Variants in IK observed in about 807,000 individuals in gnomAD.
The protein encoded by IK is protein Red.
A neutral mutation model predicts 90.9 loss-of-function variants in IK; 47 were observed. That is an observed-to-expected ratio of 0.52 (90% CI 0.41 to 0.66). IK has a LOEUF of 0.66. IK is among the 30% of genes least tolerant of loss of function. IK has a pLI of 0.00. For synonymous variants in IK, 201 were observed against 227.5 expected (o/e 0.88, Z 1.05); for missense variants, 385 against 709.3 (o/e 0.54, Z 5.19).
At position 140,658,824 on chromosome 5, in the gene IK, C is replaced by T. The variant is rs181792447; in HGVS notation, c.950+48C>T. On this transcript the variant is annotated intron_variant, in intron 11 of 19. Coordinates refer to ENST00000417647, the MANE Select transcript of IK (RefSeq NM_006083.4). ...TCTGATCAGAGGGAGGGGGTCTGTACATTTCTTGTGTCTGGCATTTTGGGG... is the reference window on the plus strand; with the variant it reads ...TCTGATCAGAGGGAGGGGGTCTGTATATTTCTTGTGTCTGGCATTTTGGGG... The T allele has an allele frequency of 1.9e-6, 3 of 1,596,590 alleles. No homozygotes were observed. In the East Asian group the frequency reaches 6.7e-5, roughly 36 times the overall value.
intron 9 of IK, 22 bp from the exon 10 acceptor site, chr5:140,657,532 T>A: frequency 6.6e-7 from 1 of 1,521,942 alleles, no homozygotes; most frequent in Non-Finnish European, 9.0e-7. Context: ...GGTTTAACAT[T>A]CTTGTTTCTT....
rs770148481 is a variant in IK, at chr5:140,655,911, G to A, written c.720G>A (p.Val240=). ...TCCTGCCGGGCCGCATGGCCTATGT[G>A]GTAGACCTGGATGATGAGTATGCTG... ...ELFLPGRMAY[V]VDLDDEYADT... The change falls in exon 9 of 20, where the codon GTG becomes GTA. Residue 240 remains valine (V), a synonymous_variant. Coordinates refer to ENST00000417647, the MANE Select transcript of IK (RefSeq NM_006083.4). 36 of 1,589,784 alleles carry A rather than the reference G, an allele frequency of 2.3e-5. No individual in the cohort carries two copies. Among genetic ancestry groups the A allele is most frequent in the Non-Finnish European group, 3.1e-5 (36 of 1,166,934 alleles).
chr5:140,656,604 C>T (rs1757714711), intron 9 of IK, among the ~76,000 whole-genome samples: 1 of 152,156 alleles, frequency 6.6e-6, no homozygotes, highest in Non-Finnish European at 1.5e-5. Flanking sequence ...CCATATAATT[C>T]ATCCTTTAAA....
Position 140,661,541 on chromosome 5 carries a change from C to G in IK, c.1414-79C>G. 1 of 892,022 alleles carries G rather than the reference C, an allele frequency of 1.1e-6. No homozygotes were observed. Among genetic ancestry groups the G allele is most frequent in the Non-Finnish European group, 1.8e-6 (1 of 559,234 alleles). 55.3% of individuals were successfully genotyped at this position (892,022 alleles called of 1,614,324 possible). ...GTGGAACCTGGGATTATGGGAGAGT[C>G]TGGCTTCAATCAAGGGCTGAAATTC... On this transcript the variant is annotated intron_variant, in intron 16 of 19. Coordinates refer to ENST00000417647, the MANE Select transcript of IK (RefSeq NM_006083.4). The surrounding 1 kb of genome is among the most constrained non-coding windows in gnomAD (Gnocchi z 4.2).
intron 4 of IK, among the ~76,000 whole-genome samples, chr5:140,652,679 G>A (rs1362173560): frequency 6.6e-6 from 1 of 152,192 alleles, no homozygotes; most frequent in African/African-American, 2.4e-5. Context: ...TCTGATTTTT[G>A]TGTGGAAAAG....
chr5:140,648,007 G>GGTGTGT (rs762057029), intron 1 of IK, 83 bp downstream of exon 1: 23,634 of 926,726 alleles, frequency 0.026, 162 homozygotes, highest in East Asian at 0.064. Context: ...GCTTAAGCCG[G>GGTGTGT]GTGTGTGTGT....
chr5:140,651,829 C>T, intron 3 of IK, 23 bp downstream of exon 3: 1 of 1,426,836 alleles, frequency 7.0e-7, no homozygotes, highest in South Asian at 1.2e-5. Context: ...GTGATCCAAC[C>T]TGTCTCCCAA....
Position 140,659,897 on chromosome 5 carries a change from CT to C in IK, c.1274+64del, listed in dbSNP as rs912369676. ...ACTGGTCTCTTTACTCCAACCCCCC[CT>C]GCCTCCCTGCTCCCTCCTACCCTGC... On this transcript the variant is annotated intron_variant, in intron 14 of 19. Transcript: ENST00000417647. The C allele has an allele frequency of 1.6e-5, 19 of 1,162,726 alleles. No homozygotes were observed. The East Asian group carries it at 3.5e-4, about 22-fold the overall frequency. The allele number at this position is 1,162,726 out of a possible 1,614,324, so 72.0% of individuals were successfully genotyped here. A position where few individuals can be genotyped will look rare whatever the true frequency, so the allele number is the denominator to read the frequency against.
At chr5:140,658,413 G>A (rs1354171690) in intron 10 of IK, among the ~76,000 whole-genome samples, 1 of 152,122 alleles carries the variant, frequency 6.6e-6, no homozygotes, top group Non-Finnish European at 1.5e-5. Context: ...TGCCTCCTGG[G>A]TTTAAGCAAT....
chr5:140,659,075 G>C lies in IK; in HGVS notation c.1087G>C (p.Asp363His). The C allele has an allele frequency of 6.2e-7, 1 of 1,612,998 alleles. No individual in the cohort carries two copies. The highest frequency in any genetic ancestry group is 1.1e-5 in the South Asian group (1 of 91,036). Residue 363 changes from aspartate to histidine, a missense_variant, in exon 12 of 20, where the codon GAT (aspartate) becomes CAT (histidine). Asp to His is a moderately conservative substitution (Grantham distance 81). Around this residue, in one of 8 missense-constraint regions of IK, gnomAD observed 139 missense variants for 172.0 expected, o/e 0.81. Transcript: ENST00000417647. ...TGACCGAGAGCGAGAGCGAGAACGA[G>C]ATCGGGAACGAGAGCGAGAGCGGGA... Reference protein sequence around the residue: ...DRDRERERERDRERERERDRE... With the variant: ...DRDRERERERHRERERERDRE...
At chr5:140,650,221 A>G (rs1757591418) in intron 2 of IK, among the ~76,000 whole-genome samples, 2 of 152,188 alleles carry the variant, frequency 1.3e-5, no homozygotes, top group Non-Finnish European at 2.9e-5. Flanking sequence ...TCTCTACTCT[A>G]TTACAATGGT....
intron 5 of IK, 116 bp downstream of exon 5, chr5:140,653,260 G>A: frequency 1.2e-6 from 1 of 805,542 alleles, no homozygotes. Flanking sequence ...GATTTCAGAG[G>A]CATTTGCCAC....
intron 13 of IK, 55 bp downstream of exon 13, chr5:140,659,388 G>A: frequency 6.2e-7 from 1 of 1,601,188 alleles, no homozygotes; most frequent in Non-Finnish European, 8.6e-7. Context: ...CTTTCCCCTG[G>A]TAGGGCTCAG....
At chr5:140,658,284 A>G (rs964010879) in intron 10 of IK, among the ~76,000 whole-genome samples, 14 of 151,032 alleles carry the variant, frequency 9.3e-5, no homozygotes, top group African/African-American at 3.2e-4. Flanking sequence ...GATTACAGGC[A>G]TGAGCCACTC....
intron 2 of IK, 139 bp downstream of exon 2, chr5:140,648,676 C>T: frequency 1.2e-6 from 1 of 833,260 alleles, no homozygotes; most frequent in East Asian, 2.5e-5. Flanking sequence ...CTCTGTGAGC[C>T]TTAACTGGAT....
intron 1 of IK, 31 bp downstream of exon 1, chr5:140,647,955 C>G: frequency 2.5e-6 from 4 of 1,612,486 alleles, no homozygotes; most frequent in Non-Finnish European, 3.4e-6. Flanking sequence ...TATTTCTTCC[C>G]CATGGCACTT....
intron 15 of IK, 100 bp downstream of exon 15, chr5:140,660,295 T>TTTTTTTTTTTTTTG (rs1757782521): frequency 4.4e-6 from 1 of 227,300 alleles, no homozygotes; most frequent in Non-Finnish European, 7.9e-6. Context: ...GCTACTTCTT[T>TTTTTTTTTTTTTTG]TTTTTTTTTT....
intron 3 of IK, 84 bp downstream of exon 3, chr5:140,651,890 A>C: frequency 1.1e-6 from 1 of 929,548 alleles, no homozygotes; most frequent in South Asian, 1.4e-5. Flanking sequence ...ATGACTTTTA[A>C]TAGTCCCTCA....
chr5:140,651,683 TA>T, intron 2 of IK, 30 bp from the exon 3 acceptor site: 1 of 1,107,172 alleles, frequency 9.0e-7, no homozygotes, highest in Non-Finnish European at 1.4e-6. Context: ...TATTGAGTCC[TA>T]ATATTTAAAA....
Sources: allele counts gnomAD v4.1 joint callset (sites outside exome capture counted in the v4.1 genomes callset), GRCh38; gene constraint gnomAD v4.1.1; regional missense constraint gnomAD v4.1.1; non-coding constraint Gnocchi (gnomAD v3.1); transcripts MANE v1.5; gene names NCBI Gene and HGNC (gene_info 2026-07-23, HGNC 2026-07-21).